Variants in ELOVL7 observed in about 807,000 individuals in gnomAD.
ELOVL7 encodes the protein ELOVL fatty acid elongase 7.
Under a neutral mutation model 35.7 loss-of-function variants are expected in ELOVL7, and 27 were observed. The observed-to-expected ratio is 0.76, with a 90% CI of 0.56 to 1.04. The LOEUF is 1.04. ELOVL7 is among the 50% of genes least tolerant of loss of function. The pLI is 0.00. For synonymous variants in ELOVL7, 113 were observed against 114.6 expected, an observed-to-expected ratio of 0.99 and a Z score of 0.09; for missense variants, 327 against 340.8, an observed-to-expected ratio of 0.96 and a Z score of 0.32.
At chr5:60,762,299 C>CAAAAAAAA (rs3030130) in intron 7 of ELOVL7, among the ~76,000 whole-genome samples, 1 of 79,528 alleles carries the variant, frequency 1.3e-5, no homozygotes, top group Admixed American at 1.5e-4. Context: ...AACTCTGCCT[C>CAAAAAAAA]AAAAAAAAAA....
intron 4 of ELOVL7, among the ~76,000 whole-genome samples, chr5:60,771,309 C>T (rs1165204258): frequency 6.6e-6 from 1 of 152,056 alleles, no homozygotes; most frequent in Admixed American, 6.5e-5. Context: ...GGAAGAGCCC[C>T]ATCTCTCTTA....
At chr5:60,839,240 C>T (rs1031777525) in intron 1 of ELOVL7, among the ~76,000 whole-genome samples, 2 of 151,688 alleles carry the variant, frequency 1.3e-5, no homozygotes, top group African/African-American at 2.4e-5. Flanking sequence ...CCCAGCTACT[C>T]AGGAAGCTGA....
At chr5:60,842,025 G>A (rs1747203996) in intron 1 of ELOVL7, among the ~76,000 whole-genome samples, 1 of 152,152 alleles carries the variant, frequency 6.6e-6, no homozygotes, top group African/African-American at 2.4e-5. Context: ...AATTTATACT[G>A]TATCATCTTC....
chr5:60,832,242 G>C (rs1210391367), intron 1 of ELOVL7, among the ~76,000 whole-genome samples: 1 of 152,170 alleles, frequency 6.6e-6, no homozygotes, highest in Non-Finnish European at 1.5e-5. Context: ...ACACACAACA[G>C]GCAGTGTTGC....
chr5:60,807,992 CAAAAAA>C (rs34086506), intron 1 of ELOVL7, among the ~76,000 whole-genome samples: 1 of 42,412 alleles, frequency 2.4e-5, no homozygotes, highest in Non-Finnish European at 4.4e-5. Flanking sequence ...GACTCCGTCT[CAAAAAA>C]AAAAAAAAAA....
intron 2 of ELOVL7, among the ~76,000 whole-genome samples, chr5:60,797,448 T>TC (rs1744330730): frequency 6.6e-6 from 1 of 152,180 alleles, no homozygotes; most frequent in Non-Finnish European, 1.5e-5. Flanking sequence ...GTCTTAGCTT[T>TC]TGGGTTACAA....
At chr5:60,801,726 G>A (rs544894265) in intron 1 of ELOVL7, among the ~76,000 whole-genome samples, 8 of 151,866 alleles carry the variant, frequency 5.3e-5, no homozygotes, top group African/African-American at 1.9e-4. Flanking sequence ...AAAAAATGAA[G>A]AAACTAGAAC....
At chr5:60,816,082 G>T (rs1212457314) in intron 1 of ELOVL7, among the ~76,000 whole-genome samples, 1 of 152,146 alleles carries the variant, frequency 6.6e-6, no homozygotes, top group East Asian at 1.9e-4. Flanking sequence ...ATGTCATTTA[G>T]AAGAGTTTTG....
At chr5:60,766,742 T>G (rs937503816) in intron 5 of ELOVL7, 112 bp from the exon 6 acceptor site, 9 of 828,838 alleles carry the variant, frequency 1.1e-5, no homozygotes, top group Admixed American at 2.4e-5. Context: ...AACCATTTCT[T>G]AGTGCACAGT....
chr5:60,816,021 G>A (rs547241166), intron 1 of ELOVL7, among the ~76,000 whole-genome samples: 6 of 152,230 alleles, frequency 3.9e-5, no homozygotes, highest in South Asian at 2.1e-4. Flanking sequence ...ACTGGATATC[G>A]GAACAACTTT....
At chr5:60,768,544 T>C in intron 4 of ELOVL7, 1 of 318,154 alleles carries the variant, frequency 3.1e-6, no homozygotes, top group South Asian at 2.7e-5. Flanking sequence ...CAGGCCTTAA[T>C]TCCAACACAC....
chr5:60,793,310 G>T (rs921897), intron 2 of ELOVL7, among the ~76,000 whole-genome samples: 2 of 151,806 alleles, frequency 1.3e-5, no homozygotes, highest in African/African-American at 2.4e-5. Flanking sequence ...TACTGCTACA[G>T]TTTTTTTTGC....
intron 1 of ELOVL7, among the ~76,000 whole-genome samples, chr5:60,813,917 C>G (rs1385401168): frequency 6.6e-6 from 1 of 152,142 alleles, no homozygotes; most frequent in Admixed American, 6.5e-5. Flanking sequence ...GAAGGTCTCC[C>G]TTGTGACCAC....
At chr5:60,813,295 A>G (rs896130767) in intron 1 of ELOVL7, among the ~76,000 whole-genome samples, 3 of 152,128 alleles carry the variant, frequency 2.0e-5, no homozygotes, top group African/African-American at 7.2e-5. Flanking sequence ...CACAATTCTC[A>G]CTGCTAACAA....
intron 1 of ELOVL7, among the ~76,000 whole-genome samples, chr5:60,828,592 C>G (rs1746308874): frequency 6.6e-6 from 1 of 151,796 alleles, no homozygotes; most frequent in Non-Finnish European, 1.5e-5. Context: ...TGCGCTAAGC[C>G]CAAAAATGCA....
chr5:60,757,570 G>C lies in ELOVL7; in HGVS notation c.575C>G (p.Ala192Gly). Residue 192 changes from alanine to glycine, a missense_variant, in exon 8 of 9, where the codon GCA becomes GGA. Coordinates refer to ENST00000508821, the MANE Select transcript of ELOVL7 (RefSeq NM_024930.3). Reference protein sequence around the residue: ...VVMYSYYGLSALGPAYQKYLW... With the variant: ...VVMYSYYGLSGLGPAYQKYLW... ...ATACTTCTGGTAGGCTGGCCCCAAT[G>C]CAGAAAGTCCATAGTAGGAATACAT... The C allele has an allele frequency of 6.2e-7, 1 of 1,613,370 alleles. No individual in the cohort carries two copies. Among genetic ancestry groups the C allele is most frequent in the Non-Finnish European group, 8.5e-7 (1 of 1,179,494 alleles).
intron 1 of ELOVL7, among the ~76,000 whole-genome samples, chr5:60,835,182 C>T (rs1218243162): frequency 1.4e-5 from 2 of 146,214 alleles, no homozygotes; most frequent in East Asian, 2.0e-4. Context: ...ACAGTGAGAT[C>T]CCATCTTGAA....
At chr5:60,819,610 C>T (rs947905917) in intron 1 of ELOVL7, among the ~76,000 whole-genome samples, 22 of 152,170 alleles carry the variant, frequency 1.4e-4, no homozygotes, top group Non-Finnish European at 1.5e-5. Flanking sequence ...GGTGAAACCC[C>T]GTCCCTACTA....
In ELOVL7 at chr5:60,809,776, C is replaced by T. The variant is rs190511353; in HGVS notation, c.-85-10546G>A. Among the ~76,000 whole-genome samples the T allele has an allele frequency of 3.3e-3, 508 of 152,288 alleles. 3 individuals are homozygous for T. The highest frequency in any genetic ancestry group is 5.3e-3 in the Non-Finnish European group (359 of 68,020). ...TAGGAAAATAGAGAAACCATAGCCT[C>T]ACATTGGAGGAGAAGCAAACAGACT... On this transcript the variant is annotated intron_variant, in intron 1 of 8. Coordinates refer to ENST00000508821, the MANE Select transcript of ELOVL7 (RefSeq NM_024930.3).
Sources: allele counts gnomAD v4.1 joint callset (sites outside exome capture counted in the v4.1 genomes callset), GRCh38; gene constraint gnomAD v4.1.1; transcripts MANE v1.5; gene names NCBI Gene and HGNC (gene_info 2026-07-23, HGNC 2026-07-21).